MAP7: variants seen among roughly 807,000 people sequenced by gnomAD.
MAP7 encodes ensconsin.
In MAP7, 52 loss-of-function variants were observed where a neutral mutation model predicts 94.8. That is an observed-to-expected ratio of 0.55 (90% confidence interval 0.44 to 0.69). The LOEUF (loss-of-function observed/expected upper bound fraction) is 0.69. Ranked by LOEUF, MAP7 falls within the 30% of genes least tolerant of loss-of-function variation. The pLI is 0.00. For synonymous variants in MAP7, 350 were observed against 357.0 expected, an observed-to-expected ratio of 0.98 and a Z score of 0.22; for missense variants, 940 against 964.6, an observed-to-expected ratio of 0.97 and a Z score of 0.34.
At chr6:136,372,332 G>A (rs201021602) in intron 8 of MAP7, among the ~76,000 whole-genome samples, 169 bp downstream of exon 8, 273 of 152,288 alleles carry the variant, frequency 1.8e-3, no homozygotes, top group Non-Finnish European at 2.0e-3. Context: ...AGGAAGTGAG[G>A]GGACACTACT....
intron 6 of MAP7, among the ~76,000 whole-genome samples, chr6:136,380,497 C>T (rs1245144427): frequency 2.0e-5 from 3 of 152,198 alleles, no homozygotes; most frequent in African/African-American, 7.2e-5. Context: ...ATTTCGAGGT[C>T]TACCTCTGAG....
chr6:136,377,369 C>T (rs4140635), intron 7 of MAP7, among the ~76,000 whole-genome samples: 112,340 of 152,168 alleles, frequency 0.74, 42,636 homozygotes, highest in Middle Eastern at 0.85. Flanking sequence ...AACAGACTTG[C>T]GCTTTGATTT....
chr6:136,459,645 T>A (rs1804529398), intron 1 of MAP7, among the ~76,000 whole-genome samples: 1 of 152,090 alleles, frequency 6.6e-6, no homozygotes, highest in African/African-American at 2.4e-5. Context: ...AATAAGCCAA[T>A]CACAGAAGGA....
At chr6:136,398,500 T>A (rs1434094327) in intron 3 of MAP7, among the ~76,000 whole-genome samples, 1 of 152,230 alleles carries the variant, frequency 6.6e-6, no homozygotes, top group Non-Finnish European at 1.5e-5. Context: ...TGAATTGTAC[T>A]CCCATAATTC....
chr6:136,515,331 T>G (rs1824486615), intron 1 of MAP7, among the ~76,000 whole-genome samples: 1 of 152,258 alleles, frequency 6.6e-6, no homozygotes. Flanking sequence ...GTATCAGCAT[T>G]CAGGCTGTTT....
At chr6:136,465,996 A>G (rs1806888050) in intron 1 of MAP7, among the ~76,000 whole-genome samples, 1 of 152,178 alleles carries the variant, frequency 6.6e-6, no homozygotes, top group African/African-American at 2.4e-5. Context: ...GAACATCCAC[A>G]TAAACTTCTA....
rs747637642 is a variant in MAP7, at chr6:136,359,890, A to G, written c.1855-13T>C. Reference sequence around the variant, plus strand: ...GATCACTGGTTTTCTACGAAGAAGAAAAAAAGAGGACTTTTAAAAATTAGA... The same window carrying G: ...GATCACTGGTTTTCTACGAAGAAGAGAAAAAGAGGACTTTTAAAAATTAGA... On this transcript the variant is annotated splice_polypyrimidine_tract_variant and intron_variant, in intron 14 of 17. Transcript: ENST00000354570. The G allele has an allele frequency of 2.5e-6, 4 of 1,612,804 alleles. No homozygotes were observed. The South Asian group carries it at 3.3e-5, about 13-fold the overall frequency.
chr6:136,392,578 A>G (rs888066420), intron 3 of MAP7, among the ~76,000 whole-genome samples: 3 of 152,032 alleles, frequency 2.0e-5, no homozygotes, highest in Non-Finnish European at 4.4e-5. Context: ...GTATTTTAAG[A>G]ATTCAGACCC....
chr6:136,489,094 G>C (rs369188904), intron 1 of MAP7, among the ~76,000 whole-genome samples: 3 of 151,990 alleles, frequency 2.0e-5, no homozygotes, highest in Admixed American at 2.0e-4. Context: ...AGATCAGTAG[G>C]TGCTCATCTC....
chr6:136,532,446 T>C (rs1383293816), intron 1 of MAP7, among the ~76,000 whole-genome samples: 3 of 152,062 alleles, frequency 2.0e-5, no homozygotes, highest in African/African-American at 4.8e-5. Flanking sequence ...GGTTAACATA[T>C]GGAAGAATTT....
At chr6:136,405,250 G>A (rs568124537) in intron 3 of MAP7, among the ~76,000 whole-genome samples, 20 of 152,270 alleles carry the variant, frequency 1.3e-4, no homozygotes, top group African/African-American at 3.6e-4. Context: ...CTTATGTTCC[G>A]GGGCAGGGGG....
chr6:136,446,226 G>GTCATCAGAGGTGGATAGGGCACAGA (rs1177701861), intron 1 of MAP7, among the ~76,000 whole-genome samples: 6 of 151,614 alleles, frequency 4.0e-5, no homozygotes, highest in Non-Finnish European at 5.9e-5. Flanking sequence ...GGAGAAGATT[G>GTCATCAGAGGTGGATAGGGCACAGA]TCATCAGAGG....
rs142274777 is a variant in MAP7 at position 136,375,456 on chromosome 6, G to A, written c.751+2299C>T. Among the ~76,000 whole-genome samples, 73 of 152,256 alleles carry A rather than the reference G, an allele frequency of 4.8e-4. No homozygotes were observed. The East Asian group carries it at 0.011, about 23-fold the overall frequency. On this transcript the variant is annotated intron_variant, in intron 7 of 17. Transcript: ENST00000354570. ...TAATCTGCTGATGTAACCCAGTACA[G>A]GACATATTATAGGTTACCTTCTTGC...
intron 1 of MAP7, among the ~76,000 whole-genome samples, chr6:136,464,551 A>G (rs1363125691): frequency 6.6e-6 from 1 of 152,220 alleles, no homozygotes; most frequent in Non-Finnish European, 1.5e-5. Context: ...TAGTACATAC[A>G]GGGTTCGGTA....
At position 136,372,620 on chromosome 6, in the gene MAP7, A is replaced by G; in HGVS notation, c.757T>C (p.Cys253Arg). Residue 253 changes from cysteine (C) to arginine (R), a missense_variant, in exon 8 of 18, where the codon TGC becomes CGC. Coordinates refer to ENST00000354570, the MANE Select transcript of MAP7 (RefSeq NM_003980.6). ...TTGTAGGGCATGATGATGGGGCTGC[A>G]AGATGCTGAACGAGGACAAATGGGG... The part of the protein sequence containing the change: ...TAALSGEAAS[C>R]SPIIMPYKAA... 1 of 1,614,208 alleles carries G rather than the reference A, an allele frequency of 6.2e-7. No homozygotes were observed.
At chr6:136,506,546 C>G (rs543090282) in intron 1 of MAP7, among the ~76,000 whole-genome samples, 1 of 151,664 alleles carries the variant, frequency 6.6e-6, no homozygotes, top group African/African-American at 2.4e-5. Flanking sequence ...CAGGGGGCAT[C>G]TGCTCTTCCA....
At chr6:136,346,799 T>C (rs1230689523) in intron 16 of MAP7, among the ~76,000 whole-genome samples, 1 of 152,220 alleles carries the variant, frequency 6.6e-6, no homozygotes, top group Non-Finnish European at 1.5e-5. Context: ...GTAAATGATT[T>C]GCACAAAGTC....
chr6:136,345,893 C>CA lies in MAP7; in HGVS notation c.2201dup (p.Pro735AlafsTer34). 1 of 1,614,178 alleles carries CA rather than the reference C, an allele frequency of 6.2e-7. No homozygotes were observed. Among genetic ancestry groups the CA allele is most frequent in the Non-Finnish European group, 8.5e-7 (1 of 1,180,030 alleles). On this transcript the variant is annotated frameshift_variant, in exon 17 of 18. Transcript: ENST00000354570. LOFTEE classifies it high-confidence loss of function. ...GTGTCTGAACACCATCTACCTGAGG[C>CA]AGGGGCCCAAGTGTCCCTTCATCAT...
intron 3 of MAP7, among the ~76,000 whole-genome samples, chr6:136,408,777 T>C (rs1209532860): frequency 6.6e-6 from 1 of 152,148 alleles, no homozygotes; most frequent in Non-Finnish European, 1.5e-5. Flanking sequence ...AAACTTTTTT[T>C]CTTTTAAAAA....
Sources: gnomAD v4.1 joint callset for allele counts (sites outside exome capture counted in the v4.1 genomes callset) on GRCh38, gnomAD v4.1.1 for gene constraint, MANE v1.5 for transcripts, NCBI Gene and HGNC (gene_info 2026-07-23, HGNC 2026-07-21) for gene names.